Variants in MPRIP observed in about 807,000 individuals in gnomAD.
MPRIP encodes myosin phosphatase Rho-interacting protein.
In MPRIP, 59 loss-of-function variants were observed where a neutral mutation model predicts 234.9. The observed-to-expected ratio is 0.25, with a 90% CI of 0.20 to 0.31. The LOEUF is 0.31. MPRIP is among the 10% of genes least tolerant of loss of function. The pLI is 1.00. For synonymous variants in MPRIP, 1,144 were observed against 1,263.9 expected (o/e 0.91, Z 2.01); for missense variants, 2,436 against 3,071.0 (o/e 0.79, Z 4.89).
In MPRIP at chr17:17,165,690, C is replaced by A; in HGVS notation, c.4099C>A (p.Pro1367Thr). 1 of 1,305,068 alleles carries A rather than the reference C, an allele frequency of 7.7e-7. No individual in the cohort carries two copies. Among genetic ancestry groups the A allele is most frequent in the Non-Finnish European group, 1.0e-6 (1 of 989,020 alleles). 80.8% of individuals were successfully genotyped at this position (1,305,068 alleles called of 1,614,324 possible). ...AGAAAGCATGTCCTCAGAGCCTGCACCCAGTGTACTGCCTGCAACTGGCGA... is the reference window on the plus strand; with the variant it reads ...AGAAAGCATGTCCTCAGAGCCTGCAACCAGTGTACTGCCTGCAACTGGCGA... The part of the protein sequence containing the change: ...SEESMSSEPA[P>T]SVLPATGDSD... Residue 1367 changes from proline to threonine, a missense_variant, in exon 16 of 24, where the codon CCC becomes ACC. Pro to Thr is a conservative substitution (Grantham distance 38, BLOSUM62 -1). This residue lies in a region of MPRIP where 1,998 missense variants were observed against 2,520.3 expected (regional missense o/e 0.79). Transcript: ENST00000651222.
intron 14 of MPRIP, 81 bp from the exon 15 acceptor site, chr17:17,161,159 C>CTCTT: frequency 1.1e-6 from 1 of 924,296 alleles, no homozygotes. Flanking sequence ...ACATGGAAGA[C>CTCTT]CAGTGAAAGA....
rs2045949610 is a variant in MPRIP, at chr17:17,164,893, A to G, written c.3302A>G (p.Gln1101Arg). 11 of 1,303,912 alleles carry G rather than the reference A, an allele frequency of 8.4e-6. No homozygotes were observed. The highest frequency in any genetic ancestry group is 1.1e-5 in the Non-Finnish European group (11 of 988,748). The allele number at this position is 1,303,912 out of a possible 1,614,324, so 80.8% of individuals were successfully genotyped here. A position where few individuals can be genotyped will look rare whatever the true frequency, so the allele number is the denominator to read the frequency against. The change falls in exon 16 of 24, where the codon CAG becomes CGG. Residue 1101 changes from glutamine (Q) to arginine (R), a missense_variant. Physicochemically the swap from Gln to Arg is conservative, Grantham distance 43. Transcript: ENST00000651222. ...GTGCGCAGGCTCGCAGAGCACGTGC[A>G]GAGCCTCTGTGACGAGCGGGACCTC... is the stretch of plus-strand genomic sequence containing the variant. ...ASVRRLAEHV[Q>R]SLCDERDLLR...
intron 1 of MPRIP, among the ~76,000 whole-genome samples, chr17:17,072,240 TC>T: frequency 6.6e-6 from 1 of 152,298 alleles, no homozygotes. Context: ...GGGAGGCCTT[TC>T]CCACGCCTTG....
chr17:17,133,380 G>A (rs1835759130), intron 5 of MPRIP, among the ~76,000 whole-genome samples: 1 of 152,168 alleles, frequency 6.6e-6, no homozygotes, highest in African/African-American at 2.4e-5. Flanking sequence ...GGTGACGTGG[G>A]GGCACTGCAG....
rs771209713 is a variant in MPRIP, at chr17:17,164,277, G to A, written c.2686G>A (p.Glu896Lys). The A allele has an allele frequency of 8.4e-6, 11 of 1,304,116 alleles. No homozygotes were observed. Among genetic ancestry groups the A allele is most frequent in the South Asian group, 6.2e-5 (5 of 81,032 alleles). 80.8% of individuals were successfully genotyped at this position (1,304,116 alleles called of 1,614,324 possible). ...GGCCAAGGACACGATCCGGCACCACGAGGCTGAGATCCGGAGCCTTCAGGC... is the reference window on the plus strand; with the variant it reads ...GGCCAAGGACACGATCCGGCACCACAAGGCTGAGATCCGGAGCCTTCAGGC... Reference protein sequence around the residue: ...GEAKDTIRHHEAEIRSLQARL... With the variant: ...GEAKDTIRHHKAEIRSLQARL... Residue 896 changes from glutamate to lysine, a missense_variant, in exon 16 of 24, where the codon GAG (glutamate) becomes AAG (lysine). Around this residue, in one of 4 missense-constraint regions of MPRIP, gnomAD observed 1,998 missense variants for 2,520.3 expected, o/e 0.79. Transcript: ENST00000651222.
chr17:17,061,810 C>T (rs1380433242), intron 1 of MPRIP, among the ~76,000 whole-genome samples: 3 of 152,062 alleles, frequency 2.0e-5, no homozygotes, highest in Non-Finnish European at 4.4e-5. Context: ...TTGGACTGAC[C>T]GGTGCTGTTC....
chr17:17,104,233 C>T (rs2090019036), intron 3 of MPRIP, among the ~76,000 whole-genome samples: 1 of 152,218 alleles, frequency 6.6e-6, no homozygotes, highest in Admixed American at 6.5e-5. Context: ...TGCTATGTGA[C>T]CATGTGCCTG....
intron 1 of MPRIP, among the ~76,000 whole-genome samples, chr17:17,045,063 A>G (rs1055803693): frequency 6.6e-6 from 1 of 152,096 alleles, no homozygotes; most frequent in African/African-American, 2.4e-5. Context: ...TTATGGCTCC[A>G]TTAGAAAACC....
chr17:17,162,597 A>G (rs2045897519), intron 15 of MPRIP, among the ~76,000 whole-genome samples: 2 of 152,200 alleles, frequency 1.3e-5, no homozygotes, highest in South Asian at 2.1e-4. Context: ...CTCCCTGCCA[A>G]GGTCATTTGC....
intron 9 of MPRIP, among the ~76,000 whole-genome samples, chr17:17,145,237 C>T (rs1597457579): frequency 6.6e-6 from 1 of 152,210 alleles, no homozygotes; most frequent in East Asian, 1.9e-4. Context: ...GTTATCCTGA[C>T]AATTCTTGCC....
intron 1 of MPRIP, among the ~76,000 whole-genome samples, chr17:17,053,323 G>A (rs1236187245): frequency 6.6e-6 from 1 of 152,086 alleles, no homozygotes; most frequent in African/African-American, 2.4e-5. Context: ...TCTGAAAACT[G>A]GGGGGTTATA....
chr17:17,155,875 C>G (rs2045717629), intron 13 of MPRIP, among the ~76,000 whole-genome samples: 2 of 152,254 alleles, frequency 1.3e-5, no homozygotes. Flanking sequence ...GTGGCCTCAG[C>G]TACTGCTTCC....
At chr17:17,117,227 C>T (rs1597832480) in intron 3 of MPRIP, among the ~76,000 whole-genome samples, 1 of 152,372 alleles carries the variant, frequency 6.6e-6, no homozygotes, top group Non-Finnish European at 1.5e-5. Flanking sequence ...TGAGAAGCAG[C>T]AGGCGGCACG....
rs146244558 is a variant in MPRIP at position 17,150,846 on chromosome 17, A to G, written c.1719+613A>G. Among the ~76,000 whole-genome samples, 1,166 of 151,446 alleles carry G rather than the reference A, an allele frequency of 7.7e-3. 11 individuals are homozygous for G. Among genetic ancestry groups the G allele is most frequent in the Non-Finnish European group, 0.013 (885 of 67,892 alleles). ...CCTCCTGACTGCCACATCTGCCTCC[A>G]TTTCTTTTTTTTTCCCCCAAGACAG... On this transcript the variant is annotated intron_variant, in intron 12 of 23. Coordinates refer to ENST00000651222, the MANE Select transcript of MPRIP (RefSeq NM_001364716.4).
intron 7 of MPRIP, chr17:17,141,467 A>G (rs8072184): frequency 0.77 from 116,720 of 152,260 alleles, 45,042 homozygotes; most frequent in East Asian, 0.99. Flanking sequence ...GTGTCTAAGC[A>G]CAGGGAGGAA....
At chr17:17,081,652 G>C (rs1185501314) in intron 3 of MPRIP, among the ~76,000 whole-genome samples, 2 of 152,224 alleles carry the variant, frequency 1.3e-5, no homozygotes, top group Non-Finnish European at 2.9e-5. Context: ...GCAGTCCCTG[G>C]ATCTGGGGAC....
chr17:17,169,385 C>T (rs375893193), intron 16 of MPRIP, among the ~76,000 whole-genome samples: 31 of 152,222 alleles, frequency 2.0e-4, no homozygotes, highest in Non-Finnish European at 3.2e-4. Flanking sequence ...TAAGAGGCCC[C>T]TCCACACCGA....
chr17:17,117,284 G>GTA (rs1337595318), intron 3 of MPRIP, among the ~76,000 whole-genome samples: 2 of 152,266 alleles, frequency 1.3e-5, no homozygotes, highest in African/African-American at 4.8e-5. Context: ...CAGCTGTGCA[G>GTA]TATCGTTTGT....
chr17:17,072,565 A>C (rs141282490), intron 1 of MPRIP, among the ~76,000 whole-genome samples: 1,835 of 152,222 alleles, frequency 0.012, 26 homozygotes, highest in Non-Finnish European at 0.015. Context: ...GAGTTGTTAG[A>C]GACTGAGGGG....
Sources: allele counts gnomAD v4.1 joint callset (sites outside exome capture counted in the v4.1 genomes callset), GRCh38; gene constraint gnomAD v4.1.1; regional missense constraint gnomAD v4.1.1; transcripts MANE v1.5; gene names NCBI Gene and HGNC (gene_info 2026-07-23, HGNC 2026-07-21).